ZBTB7A: variants seen among roughly 807,000 people sequenced by gnomAD.
The protein encoded by ZBTB7A is zinc finger and BTB domain-containing protein 7A.
Under a neutral mutation model 26.7 loss-of-function variants are expected in ZBTB7A, and 7 were observed. That is an observed-to-expected ratio of 0.26 (90% CI 0.15 to 0.49). ZBTB7A has a LOEUF of 0.49. Ranked by LOEUF, ZBTB7A falls within the 20% of genes least tolerant of loss-of-function variation. The pLI, the probability that ZBTB7A is intolerant of heterozygous loss-of-function variation, is 0.98. For missense variants in ZBTB7A, 617 were observed against 919.5 expected (o/e 0.67, Z 4.25); for synonymous variants, 452 against 441.0 (o/e 1.02, Z -0.31).
At chr19:4,065,303 C>A (rs1599265833) in intron 1 of ZBTB7A, 2 of 148,724 alleles carry the variant, frequency 1.3e-5, no homozygotes, top group East Asian at 4.0e-4. Flanking sequence ...GGCCAGGCCC[C>A]CCACCCGGGG....
In ZBTB7A at chr19:4,047,979, G is replaced by C. The variant is rs540793033; in HGVS notation, c.1528C>G (p.Pro510Ala). ...GGGGTCGCGGTGGCCCCCGGGCTGG[G>C]GTCGGGCGCCCCGCCCCGGACGCGG... Reference protein sequence around the residue: ...KPRVRGGAPDPSPGATATPGA... With the variant: ...KPRVRGGAPDASPGATATPGA... Residue 510 changes from proline to alanine, a missense_variant, in exon 3 of 3, where the codon CCC becomes GCC. This residue lies in a region of ZBTB7A where 136 missense variants were observed against 126.6 expected (regional missense o/e 1.07). Coordinates refer to ENST00000322357, the MANE Select transcript of ZBTB7A (RefSeq NM_015898.4). The C allele has an allele frequency of 1.2e-4, 144 of 1,239,442 alleles. No homozygotes were observed. Among genetic ancestry groups the C allele is most frequent in the East Asian group, 3.6e-4 (10 of 27,778 alleles). 76.8% of individuals were successfully genotyped at this position (1,239,442 alleles called of 1,614,324 possible).
At position 4,043,714 on chromosome 19, in the gene ZBTB7A, GGCCCGGCCCCCC is replaced by G. The variant is rs1568226488; in HGVS notation, c.*4026_*4037del. 9.5e-3 allele frequency among the ~76,000 whole-genome samples: 466 copies of G among 49,042 alleles called. 24 individuals are homozygous for G. The highest frequency in any genetic ancestry group is 0.034 in the African/African-American group (451 of 13,396). 32.2% of individuals were successfully genotyped at this position (49,042 alleles called of 152,430 possible). A position where few individuals can be genotyped will look rare whatever the true frequency, so the allele number is the denominator to read the frequency against. ...TCTCCCTGGCCCCCTCCACCCCCTGGGCCCGGCCCCCCCCCCCCCCCCCCGTAAATCTATGTA... is the reference window on the plus strand; with the variant it reads ...TCTCCCTGGCCCCCTCCACCCCCTGGCCCCCCCCCCCCGTAAATCTATGTA... On this transcript the variant is annotated 3_prime_UTR_variant, in exon 3 of 3. Transcript: ENST00000322357.
Position 4,054,600 on chromosome 19 carries a change from C to T in ZBTB7A, c.633G>A (p.Ala211=). The change falls in exon 2 of 3, where the codon GCG becomes GCA. Residue 211 remains alanine, a synonymous_variant. Coordinates refer to ENST00000322357, the MANE Select transcript of ZBTB7A (RefSeq NM_015898.4). The part of the protein sequence containing the change: ...AVAAAVAAVA[A]GDCNGLDFYG... ...AGAAGTCTAAGCCGTTGCAGTCGCC[C>T]GCGGCCACGGCGGCCACAGCGGCGG... The T allele has an allele frequency of 2.5e-6, 4 of 1,578,326 alleles. No individual in the cohort carries two copies. The highest frequency in any genetic ancestry group is 3.4e-6 in the Non-Finnish European group (4 of 1,167,696).
At chr19:4,051,665 A>G (rs2040505431) in intron 2 of ZBTB7A, among the ~76,000 whole-genome samples, 1 of 152,096 alleles carries the variant, frequency 6.6e-6, no homozygotes, top group Admixed American at 6.5e-5. Flanking sequence ...TTTACTGATC[A>G]CCTTCTGCAA....
At chr19:4,055,411 C>G (rs1403128979) in intron 1 of ZBTB7A, 164 bp from the exon 2 acceptor site, 5 of 985,334 alleles carry the variant, frequency 5.1e-6, no homozygotes, top group Non-Finnish European at 6.0e-6. Flanking sequence ...GCCTTTCCAG[C>G]CCCAGCTTCC....
At position 4,044,372 on chromosome 19, in the gene ZBTB7A, AACTTTTTTG is replaced by A. The variant is rs1430795763; in HGVS notation, c.*3371_*3379del. On this transcript the variant is annotated 3_prime_UTR_variant, in exon 3 of 3. Transcript: ENST00000322357. ...ATAATTTTTTTTTTTCATTTTTAAA[AACTTTTTTG>A]ACTTTTTTTTTTTTTCCTTAATCTC... The A allele has an allele frequency of 1.3e-5, 2 of 150,966 alleles. No individual in the cohort carries two copies. The highest frequency in any genetic ancestry group is 2.4e-5 in the African/African-American group (1 of 40,824). 9.4% of individuals were successfully genotyped at this position (150,966 alleles called of 1,614,324 possible).
chr19:4,053,198 C>A (rs1487049642), intron 2 of ZBTB7A, among the ~76,000 whole-genome samples: 1 of 152,232 alleles, frequency 6.6e-6, no homozygotes, highest in Non-Finnish European at 1.5e-5. Context: ...CAACCCTGTC[C>A]GGCACGCTTT....
intron 1 of ZBTB7A, among the ~76,000 whole-genome samples, chr19:4,065,163 G>A (rs942018211): frequency 1.8e-4 from 28 of 151,912 alleles, no homozygotes; most frequent in South Asian, 4.1e-4. Context: ...CAAGGGAAAG[G>A]AGGGGGGGTC....
In ZBTB7A at chr19:4,049,192, A is replaced by G. The variant is rs1568230624; in HGVS notation, c.1263-948T>C. Among the ~76,000 whole-genome samples the G allele has an allele frequency of 4.8e-4, 16 of 33,184 alleles. 3 individuals are homozygous for G. The South Asian group carries it at 0.012, about 24-fold the overall frequency. 21.8% of individuals were successfully genotyped at this position (33,184 alleles called of 152,430 possible). On this transcript the variant is annotated intron_variant, in intron 2 of 2. Coordinates refer to ENST00000322357, the MANE Select transcript of ZBTB7A (RefSeq NM_015898.4). Reference sequence around the variant, plus strand: ...TGTATATATATATATATATATATATATATATATATATATATATGTAAGTTT... The same window carrying G: ...TGTATATATATATATATATATATATGTATATATATATATATATGTAAGTTT...
chr19:4,054,078 G>A lies in ZBTB7A; in HGVS notation c.1155C>T (p.Pro385=), dbSNP rs1043285104. ...CGCCCTGGATGACCTTCTCGCAGAT[G>A]GGGCACTTCTGGAAGGCCTTGGCTC... ...KIRAKAFQKC[P]ICEKVIQGAG... The change falls in exon 2 of 3, where the codon CCC becomes CCT. Residue 385 remains proline (P), a synonymous_variant. Coordinates refer to ENST00000322357, the MANE Select transcript of ZBTB7A (RefSeq NM_015898.4). 2 of 1,611,878 alleles carry A rather than the reference G, an allele frequency of 1.2e-6. No homozygotes were observed. Among genetic ancestry groups the A allele is most frequent in the African/African-American group, 1.3e-5 (1 of 75,036 alleles).
Position 4,052,770 on chromosome 19 carries a change from G to A in ZBTB7A, c.1262+1201C>T, listed in dbSNP as rs1452924908. Among the ~76,000 whole-genome samples the A allele has an allele frequency of 6.6e-6, 1 of 152,208 alleles. No homozygotes were observed. The highest frequency in any genetic ancestry group is 1.5e-5 in the Non-Finnish European group (1 of 68,028). On this transcript the variant is annotated intron_variant, in intron 2 of 2. Coordinates refer to ENST00000322357, the MANE Select transcript of ZBTB7A (RefSeq NM_015898.4). The surrounding 1 kb of genome is among the most constrained non-coding windows in gnomAD (Gnocchi z 4.9). The stretch of plus-strand genomic sequence containing the variant: ...TGAGACCGAATTGCAAACTGCCCGG[G>A]CCTGGCCTTGAACTCCTGCTGTTTA...
rs1002912767 is a variant in ZBTB7A at position 4,048,554 on chromosome 19, G to T, written c.1263-310C>A. ...TTTTTAAGAGACAAAGTCTAGGCCA[G>T]GCGCGGAGGCTCAGGCCTGAAATCC... is the stretch of plus-strand genomic sequence containing the variant. On this transcript the variant is annotated intron_variant, in intron 2 of 2. Transcript: ENST00000322357. This position sits in a 1 kb window ranked among gnomAD's most constrained non-coding sequence, Gnocchi z 6.7. Among the ~76,000 whole-genome samples the T allele has an allele frequency of 1.3e-5, 2 of 152,128 alleles. No homozygotes were observed. Among genetic ancestry groups the T allele is most frequent in the Non-Finnish European group, 2.9e-5 (2 of 68,022 alleles).
In ZBTB7A at chr19:4,046,256, G is replaced by A. The variant is rs1275247869; in HGVS notation, c.*1496C>T. 7 of 393,230 alleles carry A rather than the reference G, an allele frequency of 1.8e-5. No homozygotes were observed. Among genetic ancestry groups the A allele is most frequent in the East Asian group, 3.6e-5 (1 of 27,662 alleles). The allele number at this position is 393,230 out of a possible 1,614,324, so 24.4% of individuals were successfully genotyped here. A position where few individuals can be genotyped will look rare whatever the true frequency, so the allele number is the denominator to read the frequency against. Reference sequence around the variant, plus strand: ...GGGTGAAGCACAAACACCTCGGGGCGTCTCCCAGGTCCCCTGCGATGGCTT... The same window carrying A: ...GGGTGAAGCACAAACACCTCGGGGCATCTCCCAGGTCCCCTGCGATGGCTT... On this transcript the variant is annotated 3_prime_UTR_variant, in exon 3 of 3. Transcript: ENST00000322357.
At chr19:4,065,862 C>T (rs915419547) in intron 1 of ZBTB7A, 1 of 143,614 alleles carries the variant, frequency 7.0e-6, no homozygotes, top group African/African-American at 2.5e-5. Context: ...AAGCCGGGAC[C>T]GCCACCGGCC....
chr19:4,064,757 G>A (rs1174577559), intron 1 of ZBTB7A, among the ~76,000 whole-genome samples: 2 of 152,188 alleles, frequency 1.3e-5, no homozygotes, highest in Non-Finnish European at 2.9e-5. Context: ...TGGGTGCCGC[G>A]GGTGGCAGGG....
chr19:4,053,829 ACGTGTCTGTGTGCACGTG>A (rs1338762263), intron 2 of ZBTB7A, 124 bp downstream of exon 2: 15 of 923,190 alleles, frequency 1.6e-5, no homozygotes, highest in Admixed American at 2.9e-5. Context: ...CTGTGCGTGT[ACGTGTCTGTGTGCACGTG>A]CGTGTATGTG....
rs1165765870 is a variant in ZBTB7A at position 4,043,540 on chromosome 19, G to A, written c.*4212C>T. The stretch of plus-strand genomic sequence containing the variant: ...TCTATCTGTCTGTGCTCTGTACCCT[G>A]AGGGCGCCGCCCCGCCCCCCATTCA... On this transcript the variant is annotated 3_prime_UTR_variant, in exon 3 of 3. Transcript: ENST00000322357. Among the ~76,000 whole-genome samples, 3 of 150,440 alleles carry A rather than the reference G, an allele frequency of 2.0e-5. No individual in the cohort carries two copies. Among genetic ancestry groups the A allele is most frequent in the East Asian group, 3.9e-4 (2 of 5,074 alleles).
In ZBTB7A at chr19:4,046,125, GC is replaced by G. The variant is rs1568227978; in HGVS notation, c.*1626del. 2.5e-6 allele frequency: 1 copy of G among 398,862 alleles called. No individual in the cohort carries two copies. Among genetic ancestry groups the G allele is most frequent in the Non-Finnish European group, 4.4e-6 (1 of 226,074 alleles). 24.7% of individuals were successfully genotyped at this position (398,862 alleles called of 1,614,324 possible). ...GGAGAGACCCCGTGGACAGAAGCGG[GC>G]GCTAAGACCTCTTCACGTCAGAACC... On this transcript the variant is annotated 3_prime_UTR_variant, in exon 3 of 3. Transcript: ENST00000322357.
intron 1 of ZBTB7A, among the ~76,000 whole-genome samples, chr19:4,060,951 G>A (rs993486297): frequency 3.3e-5 from 5 of 152,152 alleles, no homozygotes; most frequent in African/African-American, 1.2e-4. Context: ...AGAGCAGCTC[G>A]GGTTCAAGCC....
Sources: allele counts gnomAD v4.1 joint callset (sites outside exome capture counted in the v4.1 genomes callset), GRCh38; gene constraint gnomAD v4.1.1; regional missense constraint gnomAD v4.1.1; non-coding constraint Gnocchi (gnomAD v3.1); transcripts MANE v1.5; gene names NCBI Gene and HGNC (gene_info 2026-07-23, HGNC 2026-07-21).